The following RUBCNL variants were observed in gnomAD, a reference collection of about 807,000 sequenced individuals.
The protein encoded by RUBCNL is rubicon like autophagy enhancer.
RUBCNL carries 62 observed loss-of-function variants against 69.5 expected under a neutral mutation model. The observed-to-expected ratio is 0.89, with a 90% confidence interval of 0.73 to 1.10. The LOEUF (loss-of-function observed/expected upper bound fraction) is 1.10, where lower values mean the gene tolerates loss of function less well. Among genes scored for constraint, RUBCNL ranks in the 50% least tolerant of loss-of-function variants. RUBCNL has a pLI of 0.00. For synonymous variants in RUBCNL, 291 were observed against 303.6 expected (o/e 0.96, Z 0.43); for missense variants, 768 against 798.1 (o/e 0.96, Z 0.45).
At chr13:46,369,994 C>T (rs75024923) in intron 3 of RUBCNL, among the ~76,000 whole-genome samples, 1 of 152,352 alleles carries the variant, frequency 6.6e-6, no homozygotes, top group East Asian at 1.9e-4. Flanking sequence ...TCTGTTTCAA[C>T]CACTCTCTTC....
At chr13:46,384,112 C>T (rs1022307661) in intron 1 of RUBCNL, among the ~76,000 whole-genome samples, 1 of 152,112 alleles carries the variant, frequency 6.6e-6, no homozygotes, top group African/African-American at 2.4e-5. Flanking sequence ...AAGTGAGCAA[C>T]CAAAAAACCC....
intron 11 of RUBCNL, 102 bp downstream of exon 11, chr13:46,350,011 C>G: frequency 2.3e-6 from 2 of 857,574 alleles, no homozygotes; most frequent in East Asian, 2.7e-5. Flanking sequence ...ATCCATTTGC[C>G]TCTTAGAGGA....
rs751780050 is a variant in RUBCNL at position 46,362,611 on chromosome 13, AAAAG to A, written c.926-17_926-14del. 33 of 1,596,846 alleles carry A rather than the reference AAAAG, an allele frequency of 2.1e-5. No individual in the cohort carries two copies. The African/African-American group carries it at 4.0e-4, about 19-fold the overall frequency. ...AAATCTCCAAGCTCTGTGGGAAAATAAAAGAAAGAGTGGTGAGGTCTTTTAGTCT... is the reference window on the plus strand; with the variant it reads ...AAATCTCCAAGCTCTGTGGGAAAATAAAAGAGTGGTGAGGTCTTTTAGTCT... On this transcript the variant is annotated splice_polypyrimidine_tract_variant and intron_variant, in intron 6 of 14. Transcript: ENST00000429979.
intron 7 of RUBCNL, among the ~76,000 whole-genome samples, chr13:46,362,001 G>A (rs1428408740): frequency 1.3e-5 from 2 of 151,768 alleles, no homozygotes; most frequent in Non-Finnish European, 2.9e-5. Flanking sequence ...TGAGGCAGGC[G>A]GATCACCTGA....
chr13:46,344,256 A>G (rs1053395574), intron 14 of RUBCNL, among the ~76,000 whole-genome samples: 11 of 152,220 alleles, frequency 7.2e-5, no homozygotes, highest in African/African-American at 2.4e-4. Flanking sequence ...CCCATTAAAC[A>G]GAGTTTACAG....
intron 2 of RUBCNL, among the ~76,000 whole-genome samples, chr13:46,377,322 G>A (rs1194598802): frequency 2.0e-5 from 3 of 152,198 alleles, no homozygotes; most frequent in Non-Finnish European, 4.4e-5. Context: ...GGAGTGCAGT[G>A]GCACGATCTC....
Position 46,368,060 on chromosome 13 carries a change from A to C in RUBCNL, c.808T>G (p.Ser270Ala). 1 of 1,613,986 alleles carries C rather than the reference A, an allele frequency of 6.2e-7. No individual in the cohort carries two copies. Among genetic ancestry groups the C allele is most frequent in the African/African-American group, 1.3e-5 (1 of 75,058 alleles). ...IKQESGSSTS[S>A]YSGYEGCAVL... Reference sequence around the variant, plus strand: ...AACTTGCCTTCATAGCCACTGTATGAAGAAGTAGAAGACCCAGACTCTTGC... The same window carrying C: ...AACTTGCCTTCATAGCCACTGTATGCAGAAGTAGAAGACCCAGACTCTTGC... Residue 270 changes from serine (S) to alanine (A), a missense_variant, in exon 5 of 15, where the codon TCA becomes GCA. Ser to Ala is a moderately conservative substitution (Grantham distance 99). Coordinates refer to ENST00000429979, the MANE Select transcript of RUBCNL (RefSeq NM_025113.5).
At chr13:46,356,251 G>A (rs998396137) in intron 10 of RUBCNL, among the ~76,000 whole-genome samples, 181 bp downstream of exon 10, 1 of 152,214 alleles carries the variant, frequency 6.6e-6, no homozygotes, top group Non-Finnish European at 1.5e-5. Context: ...CTCGGTCCTA[G>A]TTGATCACAC....
intron 9 of RUBCNL, among the ~76,000 whole-genome samples, chr13:46,357,332 C>CAAAAA (rs750289413): frequency 1.9e-5 from 1 of 53,286 alleles, no homozygotes; most frequent in African/African-American, 7.4e-5. Context: ...GACTCCGTCT[C>CAAAAA]AAAAAAAAAA....
rs1250349989 is a variant in RUBCNL, at chr13:46,372,173, C to G, written c.303G>C (p.Glu101Asp). The change falls in exon 3 of 15, where the codon GAG becomes GAC. Residue 101 changes from glutamate to aspartate, a missense_variant. Physicochemically the swap from Glu to Asp is conservative, Grantham distance 45. Coordinates refer to ENST00000429979, the MANE Select transcript of RUBCNL (RefSeq NM_025113.5). ...SPSCLGDSLA[E>D]TTLSEDTTDS... The stretch of plus-strand genomic sequence containing the variant: ...CTGTGGTATCCTCAGACAACGTTGT[C>G]TCTGCCAGGGAGTCCCCGAGGCACG... 1.2e-6 allele frequency: 2 copies of G among 1,614,030 alleles called. No homozygotes were observed. Among genetic ancestry groups the G allele is most frequent in the Admixed American group, 3.3e-5 (2 of 60,024 alleles).
At position 46,362,588 on chromosome 13, in the gene RUBCNL, A is replaced by C. The variant is rs1162287766; in HGVS notation, c.936T>G (p.Asp312Glu). ...TACAGGTTTCTGTGATATCATTAAA[A>C]TCTCCAAGCTCTGTGGGAAAATAAA... ...VDEFVILELG[D>E]FNDITETCSC... Residue 312 changes from aspartate (D) to glutamate (E), a missense_variant, in exon 7 of 15, where the codon GAT becomes GAG. Asp to Glu is a conservative substitution (Grantham distance 45). Coordinates refer to ENST00000429979, the MANE Select transcript of RUBCNL (RefSeq NM_025113.5). 2 of 1,607,544 alleles carry C rather than the reference A, an allele frequency of 1.2e-6. No homozygotes were observed. The highest frequency in any genetic ancestry group is 4.5e-5 in the East Asian group (2 of 44,782).
At chr13:46,363,658 G>A (rs2048682313) in intron 5 of RUBCNL, among the ~76,000 whole-genome samples, 1 of 151,876 alleles carries the variant, frequency 6.6e-6, no homozygotes, top group Non-Finnish European at 1.5e-5. Flanking sequence ...TTCAAGTCCA[G>A]CCTGGGCAAC....
rs1419333699 is a variant in RUBCNL at position 46,349,294 on chromosome 13, A to C, written c.1623T>G (p.Phe541Leu). Residue 541 changes from phenylalanine to leucine, a missense_variant, in exon 12 of 15, where the codon TTT becomes TTG. Transcript: ENST00000429979. The stretch of plus-strand genomic sequence containing the variant: ...CCAGCTGAGAATAGTACCTGTTAGC[A>C]AACCTACAGGTCTTCAACAGCTTCT... ...HIKKLLKTCRFANSALKEFEQ... is the reference protein window; with the variant it reads ...HIKKLLKTCRLANSALKEFEQ... 6.2e-7 allele frequency: 1 copy of C among 1,613,506 alleles called. No homozygotes were observed. The highest frequency in any genetic ancestry group is 8.5e-7 in the Non-Finnish European group (1 of 1,179,612).
At position 46,350,362 on chromosome 13, in the gene RUBCNL, T is replaced by C. The variant is rs1364889535; in HGVS notation, c.1331-11A>G. ...GCCGCTTCACAAACTCTGCCAAGCA[T>C]ACCGGAGGGTGAGTGCCACACCTGG... is the stretch of plus-strand genomic sequence containing the variant. On this transcript the variant is annotated splice_polypyrimidine_tract_variant and intron_variant, in intron 10 of 14. Transcript: ENST00000429979. 7 of 1,521,632 alleles carry C rather than the reference T, an allele frequency of 4.6e-6. No homozygotes were observed. The African/African-American group carries it at 8.2e-5, about 18-fold the overall frequency. The allele number at this position is 1,521,632 out of a possible 1,614,324, so 94.3% of individuals were successfully genotyped here.
chr13:46,385,174 T>C (rs910727129), intron 1 of RUBCNL: 10 of 536,876 alleles, frequency 1.9e-5, no homozygotes, highest in Non-Finnish European at 2.4e-5. Flanking sequence ...CAATGTCCTA[T>C]GAAGGTTAGC....
At position 46,350,207 on chromosome 13, in the gene RUBCNL, T is replaced by C. The variant is rs1225963393; in HGVS notation, c.1475A>G (p.Gln492Arg). The C allele has an allele frequency of 6.3e-7, 1 of 1,593,754 alleles. No homozygotes were observed. Among genetic ancestry groups the C allele is most frequent in the Non-Finnish European group, 8.5e-7 (1 of 1,169,840 alleles). The change falls in exon 11 of 15, where the codon CAG becomes CGG. Residue 492 changes from glutamine to arginine, a missense_variant. Physicochemically the swap from Gln to Arg is conservative, Grantham distance 43. Transcript: ENST00000429979. The part of the protein sequence containing the change: ...KKYYVSNFSK[Q>R]LLDSIWHQPI... The stretch of plus-strand genomic sequence containing the variant: ...CTGGTGCCATATGCTGTCGAGCAGC[T>C]GTTTGGAGAAATTGCTGACGTAGTA...
At chr13:46,369,872 T>C (rs2048840277) in intron 3 of RUBCNL, among the ~76,000 whole-genome samples, 1 of 152,234 alleles carries the variant, frequency 6.6e-6, no homozygotes, top group Admixed American at 6.5e-5. Context: ...TTCAAGAAAG[T>C]AGTTGTTGCA....
At position 46,372,547 on chromosome 13, in the gene RUBCNL, A is replaced by G; in HGVS notation, c.-72T>C. The stretch of plus-strand genomic sequence containing the variant: ...GTTCCCTGATTGCTGGTACTACTTG[A>G]TTTGGGCCCTGAACTCACCACATGG... On this transcript the variant is annotated 5_prime_UTR_variant, in exon 3 of 15. Coordinates refer to ENST00000429979, the MANE Select transcript of RUBCNL (RefSeq NM_025113.5). The G allele has an allele frequency of 6.6e-7, 1 of 1,512,654 alleles. No homozygotes were observed. Among genetic ancestry groups the G allele is most frequent in the South Asian group, 1.3e-5 (1 of 77,524 alleles). The allele number at this position is 1,512,654 out of a possible 1,614,324, so 93.7% of individuals were successfully genotyped here.
At chr13:46,364,213 G>A (rs1308375730) in intron 5 of RUBCNL, among the ~76,000 whole-genome samples, 2 of 151,910 alleles carry the variant, frequency 1.3e-5, no homozygotes, top group African/African-American at 2.4e-5. Context: ...GGCCAACAAG[G>A]TGAAACCCCA....
Sources: allele counts gnomAD v4.1 joint callset (sites outside exome capture counted in the v4.1 genomes callset), GRCh38; gene constraint gnomAD v4.1.1; transcripts MANE v1.5; gene names NCBI Gene and HGNC (gene_info 2026-07-23, HGNC 2026-07-21).